The following TMEM120B variants were observed in gnomAD, a reference collection of about 807,000 sequenced individuals.
The protein encoded by TMEM120B is transmembrane protein 120B.
In TMEM120B, 31 loss-of-function variants were observed where a neutral mutation model predicts 55.5. The ratio of observed to expected loss-of-function variants is 0.56; its 90% CI spans 0.42 to 0.75. TMEM120B has a LOEUF of 0.75. Among genes scored for constraint, TMEM120B ranks in the 30% least tolerant of loss-of-function variants. TMEM120B has a pLI of 0.00. For synonymous variants in TMEM120B, 203 were observed against 176.3 expected (o/e 1.15, Z -1.20); for missense variants, 399 against 425.5 (o/e 0.94, Z 0.55).
chr12:121,756,832 C>T (rs1873488547), intron 5 of TMEM120B, among the ~76,000 whole-genome samples: 1 of 152,226 alleles, frequency 6.6e-6, no homozygotes, highest in Admixed American at 6.5e-5. Flanking sequence ...ATCTCAGGGC[C>T]TCAGTTCAAA....
intron 5 of TMEM120B, among the ~76,000 whole-genome samples, chr12:121,760,661 A>T (rs538071061): frequency 6.6e-6 from 1 of 152,274 alleles, no homozygotes; most frequent in African/African-American, 2.4e-5. Flanking sequence ...GAGGCTGCTG[A>T]TCACCAGCTT....
intron 4 of TMEM120B, among the ~76,000 whole-genome samples, chr12:121,750,848 CCCCATA>C: frequency 7.6e-6 from 1 of 130,948 alleles, no homozygotes; most frequent in Non-Finnish European, 1.6e-5. Flanking sequence ...ACACTCCACA[CCCCATA>C]CCCACACCCC....
intron 3 of TMEM120B, among the ~76,000 whole-genome samples, chr12:121,748,962 C>T (rs753654085): frequency 6.6e-6 from 1 of 152,226 alleles, no homozygotes; most frequent in African/African-American, 2.4e-5. Flanking sequence ...TCCCCGTTCC[C>T]TCCCTTAAGT....
chr12:121,750,512 C>T, intron 4 of TMEM120B, 73 bp downstream of exon 4: 6 of 1,242,366 alleles, frequency 4.8e-6, no homozygotes, highest in Non-Finnish European at 7.0e-6. Context: ...ACCCCAAACC[C>T]CACACTGAGA....
chr12:121,719,648 C>G (rs553137371), intron 1 of TMEM120B, among the ~76,000 whole-genome samples: 1 of 151,790 alleles, frequency 6.6e-6, no homozygotes, highest in Non-Finnish European at 1.5e-5. Flanking sequence ...AAATTGCTAA[C>G]GGGGGTAGTT....
intron 1 of TMEM120B, among the ~76,000 whole-genome samples, chr12:121,715,063 C>T (rs767816776): frequency 2.6e-5 from 4 of 152,058 alleles, no homozygotes; most frequent in South Asian, 2.1e-4. Context: ...TGAGGCCCAG[C>T]GCGGCGGCTC....
intron 8 of TMEM120B, among the ~76,000 whole-genome samples, chr12:121,772,129 C>CTT (rs1874084720): frequency 1.4e-5 from 2 of 148,032 alleles, no homozygotes; most frequent in South Asian, 4.3e-4. Context: ...CTCTCTTTCT[C>CTT]TCTTTCTTTC....
intron 1 of TMEM120B, among the ~76,000 whole-genome samples, chr12:121,716,867 T>C (rs1447795267): frequency 6.6e-6 from 1 of 152,154 alleles, no homozygotes; most frequent in Non-Finnish European, 1.5e-5. Context: ...GGCTTTCCTT[T>C]TTTGAATGAA....
chr12:121,759,164 C>T (rs1179402806), intron 5 of TMEM120B, among the ~76,000 whole-genome samples: 7 of 149,364 alleles, frequency 4.7e-5, no homozygotes, highest in Admixed American at 1.3e-4. Flanking sequence ...TCACTCCCCT[C>T]GGCCTCCCAA....
At chr12:121,719,651 G>A (rs1894759634) in intron 1 of TMEM120B, among the ~76,000 whole-genome samples, 1 of 152,016 alleles carries the variant, frequency 6.6e-6, no homozygotes, top group Non-Finnish European at 1.5e-5. Context: ...TTGCTAACGG[G>A]GGTAGTTTAA....
At chr12:121,759,672 C>T (rs936603053) in intron 5 of TMEM120B, among the ~76,000 whole-genome samples, 10 of 150,948 alleles carry the variant, frequency 6.6e-5, no homozygotes, top group South Asian at 2.1e-4. Flanking sequence ...AGTGAAACTC[C>T]GTGTCAAACA....
At chr12:121,738,556 T>G (rs1179500418) in intron 1 of TMEM120B, among the ~76,000 whole-genome samples, 4 of 152,170 alleles carry the variant, frequency 2.6e-5, no homozygotes, top group Non-Finnish European at 5.9e-5. Flanking sequence ...TTGTCTGGGT[T>G]CATTACCAGC....
intron 8 of TMEM120B, 117 bp from the exon 9 acceptor site, chr12:121,773,304 C>T: frequency 1.2e-6 from 1 of 854,716 alleles, no homozygotes; most frequent in Non-Finnish European, 1.8e-6. Context: ...GTAACCAGGG[C>T]ACCCTTTCTG....
intron 1 of TMEM120B, among the ~76,000 whole-genome samples, chr12:121,726,332 C>T (rs867148163): frequency 6.6e-6 from 1 of 152,034 alleles, no homozygotes; most frequent in Non-Finnish European, 1.5e-5. Flanking sequence ...GTAATCCCAG[C>T]ACTTTGGGAG....
chr12:121,715,961 A>G (rs1894692216), intron 1 of TMEM120B, among the ~76,000 whole-genome samples: 1 of 150,316 alleles, frequency 6.7e-6, no homozygotes, highest in African/African-American at 2.5e-5. Flanking sequence ...GGTAAGTAGG[A>G]TGTCCATTGC....
chr12:121,773,316 T>C (rs773358772), intron 8 of TMEM120B, 105 bp from the exon 9 acceptor site: 7 of 1,008,034 alleles, frequency 6.9e-6, no homozygotes, highest in Non-Finnish European at 1.0e-5. Context: ...CCCTTTCTGC[T>C]TCTGCCCAGT....
At chr12:121,725,391 A>G (rs1323980330) in intron 1 of TMEM120B, among the ~76,000 whole-genome samples, 2 of 152,168 alleles carry the variant, frequency 1.3e-5, no homozygotes, top group Non-Finnish European at 2.9e-5. Context: ...TACTGCTGCC[A>G]AGGTTGGAAA....
rs768461777 is a variant in TMEM120B, at chr12:121,743,606, C to A, written c.70-23C>A. ...CTGTTCATATTCTCCCACACACCCT[C>A]CCCCGGGTCCCCTGTTCTTCAGGAG... On this transcript the variant is annotated intron_variant, in intron 1 of 11. Transcript: ENST00000449592. The A allele has an allele frequency of 2.5e-6, 4 of 1,587,278 alleles. No individual in the cohort carries two copies. The South Asian group carries it at 4.4e-5, about 18-fold the overall frequency.
intron 6 of TMEM120B, among the ~76,000 whole-genome samples, chr12:121,764,475 C>T (rs1366770521): frequency 6.6e-6 from 1 of 152,020 alleles, no homozygotes; most frequent in East Asian, 1.9e-4. Flanking sequence ...GAGCCGAGAT[C>T]ATGCCACTGC....
Sources: allele counts gnomAD v4.1 joint callset (sites outside exome capture counted in the v4.1 genomes callset), GRCh38; gene constraint gnomAD v4.1.1; transcripts MANE v1.5; gene names NCBI Gene and HGNC (gene_info 2026-07-23, HGNC 2026-07-21).